Variants in SMPD1 observed in about 807,000 individuals in gnomAD.
The protein encoded by SMPD1 is sphingomyelin phosphodiesterase.
In SMPD1, 47 loss-of-function variants were observed where a neutral mutation model predicts 49.7. That is an observed-to-expected ratio of 0.95 (90% confidence interval 0.75 to 1.21). The LOEUF (loss-of-function observed/expected upper bound fraction) is 1.21, where lower values mean the gene tolerates loss of function less well. SMPD1 is among the 50% of genes most tolerant of loss of function. The pLI is 0.00. For missense variants in SMPD1, 811 were observed against 822.2 expected, an observed-to-expected ratio of 0.99 and a Z score of 0.17; for synonymous variants, 336 against 339.6, an observed-to-expected ratio of 0.99 and a Z score of 0.12.
rs749780080 is a variant in SMPD1, at chr11:6,393,332, G to C, written c.1208G>C (p.Gly403Ala). Residue 403 changes from glycine (G) to alanine (A), a missense_variant, in exon 3 of 6, where the codon GGA (glycine) becomes GCA (alanine). By Grantham distance (60) the Gly-to-Ala change is moderately conservative. Transcript: ENST00000342245. ...TTGATCAACTCCACGGATCCCGCAG[G>C]ACAGCTCCAGTGGCTGGTGGGGGAG... ...WLLINSTDPA[G>A]QLQWLVGELQ... The C allele has an allele frequency of 6.2e-7, 1 of 1,614,006 alleles. No individual in the cohort carries two copies. The highest frequency in any genetic ancestry group is 8.5e-7 in the Non-Finnish European group (1 of 1,179,888).
intron 1 of SMPD1, 47 bp downstream of exon 1, chr11:6,390,963 G>C: frequency 1.9e-6 from 3 of 1,604,130 alleles, no homozygotes; most frequent in Non-Finnish European, 2.6e-6. Flanking sequence ...AGGAGTGCTG[G>C]GGCTGGGGGC....
intron 2 of SMPD1, among the ~76,000 whole-genome samples, 197 bp from the exon 3 acceptor site, chr11:6,393,019 C>T (rs1415912175): frequency 1.1e-4 from 17 of 152,146 alleles, no homozygotes; most frequent in Admixed American, 9.8e-4. Context: ...CTCCCCCATA[C>T]TCCTGGAGCC....
rs1255897815 is a variant in SMPD1, at chr11:6,391,577, A to C, written c.512A>C (p.Asp171Ala). ...CTGGGCTCCACCTGTGGGCACTGGGACATTTTCTCATCTTGGAACATCTCT... is the reference window on the plus strand; with the variant it reads ...CTGGGCTCCACCTGTGGGCACTGGGCCATTTTCTCATCTTGGAACATCTCT... The part of the protein sequence containing the change: ...LLLGSTCGHW[D>A]IFSSWNISLP... The change falls in exon 2 of 6, where the codon GAC (aspartate) becomes GCC (alanine). Residue 171 changes from aspartate (D) to alanine (A), a missense_variant. Transcript: ENST00000342245. 1 of 1,612,598 alleles carries C rather than the reference A, an allele frequency of 6.2e-7. No homozygotes were observed. The highest frequency in any genetic ancestry group is 1.3e-5 in the African/African-American group (1 of 74,884).
Position 6,393,202 on chromosome 11 carries a change from T to G in SMPD1, c.1092-14T>G. On this transcript the variant is annotated splice_polypyrimidine_tract_variant and intron_variant, in intron 2 of 5. Transcript: ENST00000342245. Reference sequence around the variant, plus strand: ...TGGAACAAGTGTTGACCTCTCATGTTTACTTTGTTTCAGAATTGGGGGGTT... The same window carrying G: ...TGGAACAAGTGTTGACCTCTCATGTGTACTTTGTTTCAGAATTGGGGGGTT... 6.2e-7 allele frequency: 1 copy of G among 1,612,992 alleles called. No homozygotes were observed. Among genetic ancestry groups the G allele is most frequent in the Non-Finnish European group, 8.5e-7 (1 of 1,179,066 alleles).
chr11:6,392,272 C>A, intron 2 of SMPD1, 116 bp downstream of exon 2: 1 of 1,049,720 alleles, frequency 9.5e-7, no homozygotes, highest in Non-Finnish European at 1.4e-6. Flanking sequence ...TAGTGCTCTT[C>A]ATTTGGCTCC....
chr11:6,391,629 C>A lies in SMPD1; in HGVS notation c.564C>A (p.Pro188=), dbSNP rs764993348. The change falls in exon 2 of 6, where the codon CCC becomes CCA. Residue 188 remains proline (P), a synonymous_variant. Transcript: ENST00000342245. The part of the protein sequence containing the change: ...ISLPTVPKPP[P]KPPSPPAPGA... Reference sequence around the variant, plus strand: ...TGCCTACTGTGCCGAAGCCGCCCCCCAAACCCCCTAGCCCCCCAGCCCCAG... The same window carrying A: ...TGCCTACTGTGCCGAAGCCGCCCCCAAAACCCCCTAGCCCCCCAGCCCCAG... The A allele has an allele frequency of 3.2e-6, 5 of 1,543,598 alleles. No individual in the cohort carries two copies. In the South Asian group the frequency reaches 4.8e-5, roughly 15 times the overall value.
Position 6,391,632 on chromosome 11 carries a change from A to ACCCCCCCCCCCCCCCCCC in SMPD1, c.572_573insCCCCCCCCCCCCCCCCCC (p.Pro191_Ser192insProProProProProPro). 1 of 1,497,594 alleles carries ACCCCCCCCCCCCCCCCCC rather than the reference A, an allele frequency of 6.7e-7. No individual in the cohort carries two copies. The highest frequency in any genetic ancestry group is 9.0e-7 in the Non-Finnish European group (1 of 1,113,366). 92.8% of individuals were successfully genotyped at this position (1,497,594 alleles called of 1,614,324 possible). A position where few individuals can be genotyped will look rare whatever the true frequency, so the allele number is the denominator to read the frequency against. On this transcript the variant is annotated inframe_insertion, in exon 2 of 6. Coordinates refer to ENST00000342245, the MANE Select transcript of SMPD1 (RefSeq NM_000543.5). The stretch of plus-strand genomic sequence containing the variant: ...CTACTGTGCCGAAGCCGCCCCCCAA[A>ACCCCCCCCCCCCCCCCCC]CCCCCTAGCCCCCCAGCCCCAGGTG...
Position 6,394,710 on chromosome 11 carries a change from C to G in SMPD1, c.*103C>G. The G allele has an allele frequency of 4.1e-6, 4 of 982,442 alleles. No individual in the cohort carries two copies. The highest frequency in any genetic ancestry group is 6.2e-6 in the Non-Finnish European group (4 of 644,008). 60.9% of individuals were successfully genotyped at this position (982,442 alleles called of 1,614,324 possible). A position where few individuals can be genotyped will look rare whatever the true frequency, so the allele number is the denominator to read the frequency against. On this transcript the variant is annotated 3_prime_UTR_variant, in exon 6 of 6. Transcript: ENST00000342245. The stretch of plus-strand genomic sequence containing the variant: ...AGGCAAGATCATCCGGTGAAAGAAC[C>G]AGTCCCTGGGCCCCAAGGATGCCGG...
At position 6,393,346 on chromosome 11, in the gene SMPD1, C is replaced by T. The variant is rs534811569; in HGVS notation, c.1222C>T (p.Leu408=). 6.2e-7 allele frequency: 1 copy of T among 1,613,956 alleles called. No homozygotes were observed. The highest frequency in any genetic ancestry group is 1.1e-5 in the South Asian group (1 of 91,080). ...STDPAGQLQW[L]VGELQAAEDR... is the part of the protein sequence containing the mutation. ...GGATCCCGCAGGACAGCTCCAGTGG[C>T]TGGTGGGGGAGCTTCAGGCTGCTGA... The change falls in exon 3 of 6, where the codon CTG becomes TTG. Residue 408 remains leucine (L), a synonymous_variant. Coordinates refer to ENST00000342245, the MANE Select transcript of SMPD1 (RefSeq NM_000543.5).
chr11:6,392,799 C>T (rs1847994263), intron 2 of SMPD1, among the ~76,000 whole-genome samples: 1 of 151,890 alleles, frequency 6.6e-6, no homozygotes, highest in South Asian at 2.1e-4. Flanking sequence ...AGCTTTCCAG[C>T]CCTCCCTTTC....
chr11:6,391,280 C>A, intron 1 of SMPD1, 104 bp from the exon 2 acceptor site: 1 of 1,175,926 alleles, frequency 8.5e-7, no homozygotes, highest in Non-Finnish European at 1.3e-6. Flanking sequence ...TGAGTCCTGC[C>A]CAGCCCCAGT....
rs767086665 is a variant in SMPD1, at chr11:6,393,745, G to C, written c.1340+52G>C. The C allele has an allele frequency of 4.5e-6, 7 of 1,569,288 alleles. No homozygotes were observed. The South Asian group carries it at 7.8e-5, about 17-fold the overall frequency. ...GGGACAGGGTGAGTGTCTGAAGGCT[G>C]AAAATTCCCTTGAGCATCTCACCAT... On this transcript the variant is annotated intron_variant, in intron 4 of 5. Coordinates refer to ENST00000342245, the MANE Select transcript of SMPD1 (RefSeq NM_000543.5).
In SMPD1 at chr11:6,394,459, C is replaced by T. The variant is rs373940701; in HGVS notation, c.1748C>T (p.Ser583Leu). The T allele has an allele frequency of 6.8e-6, 11 of 1,614,068 alleles. No homozygotes were observed. The highest frequency in any genetic ancestry group is 1.7e-5 in the Admixed American group (1 of 60,014). Reference protein sequence around the residue: ...WFLYHKGHPPSEPCGTPCRLA... With the variant: ...WFLYHKGHPPLEPCGTPCRLA... ...CTCTACCATAAGGGCCACCCACCCT[C>T]GGAGCCCTGTGGCACGCCCTGCCGT... Residue 583 changes from serine to leucine, a missense_variant, in exon 6 of 6, where the codon TCG becomes TTG. Physicochemically the swap from Ser to Leu is moderately radical, Grantham distance 145. Transcript: ENST00000342245.
Position 6,394,025 on chromosome 11 carries a change from C to CA in SMPD1, c.1471dup (p.Ile491AsnfsTer4). 6.2e-7 allele frequency: 1 copy of CA among 1,614,228 alleles called. No homozygotes were observed. Among genetic ancestry groups the CA allele is most frequent in the East Asian group, 2.2e-5 (1 of 44,880 alleles). ...TCCTGGCACCCAGTGCAACTACCTACATCGGCCTTAATCCTGGTGAGTGAG... is the reference window on the plus strand; with the variant it reads ...TCCTGGCACCCAGTGCAACTACCTACAATCGGCCTTAATCCTGGTGAGTGAG... On this transcript the variant is annotated frameshift_variant, in exon 5 of 6. Coordinates refer to ENST00000342245, the MANE Select transcript of SMPD1 (RefSeq NM_000543.5). LOFTEE classifies it high-confidence loss of function.
rs1848113117 is a variant in SMPD1, at chr11:6,394,718, G to C, written c.*111G>C. The C allele has an allele frequency of 1.1e-6, 1 of 913,278 alleles. No individual in the cohort carries two copies. Among genetic ancestry groups the C allele is most frequent in the Admixed American group, 2.1e-5 (1 of 47,412 alleles). 56.6% of individuals were successfully genotyped at this position (913,278 alleles called of 1,614,324 possible). A position where few individuals can be genotyped will look rare whatever the true frequency, so the allele number is the denominator to read the frequency against. The stretch of plus-strand genomic sequence containing the variant: ...TCATCCGGTGAAAGAACCAGTCCCT[G>C]GGCCCCAAGGATGCCGGGGAAACAG... On this transcript the variant is annotated 3_prime_UTR_variant, in exon 6 of 6. Coordinates refer to ENST00000342245, the MANE Select transcript of SMPD1 (RefSeq NM_000543.5).
At chr11:6,393,452 A>G in intron 3 of SMPD1, 65 bp downstream of exon 3, 2 of 1,534,676 alleles carry the variant, frequency 1.3e-6, no homozygotes, top group Non-Finnish European at 1.8e-6. Flanking sequence ...GAGCTGGAGC[A>G]CCTCTGGGCA....
At position 6,390,594 on chromosome 11, in the gene SMPD1, C is replaced by T. The variant is rs1324948391; in HGVS notation, c.-5C>T. 1.2e-6 allele frequency: 2 copies of T among 1,611,308 alleles called. No individual in the cohort carries two copies. Among genetic ancestry groups the T allele is most frequent in the African/African-American group, 1.3e-5 (1 of 74,974 alleles). On this transcript the variant is annotated 5_prime_UTR_variant, in exon 1 of 6. Transcript: ENST00000342245. ...ACGAACCAGCCCCGTGTAGGAAGCG[C>T]GACAATGCCCCGCTACGGAGCGTCA...
Position 6,394,477 on chromosome 11 carries a change from C to A in SMPD1, c.1766C>A (p.Pro589His), listed in dbSNP as rs760582719. Residue 589 changes from proline (P) to histidine (H), a missense_variant, in exon 6 of 6, where the codon CCC (proline) becomes CAC (histidine). Coordinates refer to ENST00000342245, the MANE Select transcript of SMPD1 (RefSeq NM_000543.5). ...GHPPSEPCGT[P>H]CRLATLCAQL... ...CCACCCTCGGAGCCCTGTGGCACGC[C>A]CTGCCGTCTGGCTACTCTTTGTGCC... is the stretch of plus-strand genomic sequence containing the variant. 1.2e-6 allele frequency: 2 copies of A among 1,614,024 alleles called. No homozygotes were observed. Among genetic ancestry groups the A allele is most frequent in the Non-Finnish European group, 1.7e-6 (2 of 1,180,034 alleles).
In SMPD1 at chr11:6,393,204, ACTT is replaced by A; in HGVS notation, c.1092-11_1092-9del. ...GAACAAGTGTTGACCTCTCATGTTT[ACTT>A]TGTTTCAGAATTGGGGGGTTCTATG... On this transcript the variant is annotated splice_polypyrimidine_tract_variant and intron_variant, in intron 2 of 5. Coordinates refer to ENST00000342245, the MANE Select transcript of SMPD1 (RefSeq NM_000543.5). 1 of 1,612,720 alleles carries A rather than the reference ACTT, an allele frequency of 6.2e-7. No individual in the cohort carries two copies. The highest frequency in any genetic ancestry group is 8.5e-7 in the Non-Finnish European group (1 of 1,178,940).
Sources: gnomAD v4.1 joint callset for allele counts (sites outside exome capture counted in the v4.1 genomes callset) on GRCh38, gnomAD v4.1.1 for gene constraint, MANE v1.5 for transcripts, NCBI Gene and HGNC (gene_info 2026-07-23, HGNC 2026-07-21) for gene names.